KLHL1: variants seen among roughly 807,000 people sequenced by gnomAD.
KLHL1 encodes kelch like family member 1.
A neutral mutation model predicts 77.7 loss-of-function variants in KLHL1; 47 were observed. That is an observed-to-expected ratio of 0.60 (90% confidence interval 0.48 to 0.77). The LOEUF is 0.77. Ranked by LOEUF, KLHL1 falls within the 30% of genes least tolerant of loss-of-function variation. KLHL1 has a pLI of 0.00. For missense variants in KLHL1, 925 were observed against 910.8 expected (o/e 1.02, Z -0.20); for synonymous variants, 360 against 325.2 (o/e 1.11, Z -1.15).
chr13:70,041,210 ACT>A (rs1212950691), intron 1 of KLHL1, among the ~76,000 whole-genome samples: 1 of 152,080 alleles, frequency 6.6e-6, no homozygotes, highest in Non-Finnish European at 1.5e-5. Context: ...ATTTAAGATA[ACT>A]CTAACACTTG....
At chr13:69,740,638 C>A in intron 7 of KLHL1, 82 bp from the exon 8 acceptor site, 1 of 957,462 alleles carries the variant, frequency 1.0e-6, no homozygotes, top group Non-Finnish European at 1.5e-6. Flanking sequence ...GGGTAGATCT[C>A]ATGTTAAGTG....
In KLHL1 at chr13:70,107,366, T is replaced by C; in HGVS notation, c.334A>G (p.Thr112Ala). 6.2e-7 allele frequency: 1 copy of C among 1,613,940 alleles called. No homozygotes were observed. The change falls in exon 1 of 11, where the codon ACT becomes GCT. Residue 112 changes from threonine (T) to alanine (A), a missense_variant. Thr to Ala is a moderately conservative substitution (Grantham distance 58). Coordinates refer to ENST00000377844, the MANE Select transcript of KLHL1 (RefSeq NM_020866.3). ...AAGAGAGTCCTGGCTGGCTGCTGAG[T>C]GCCCTGCCCAGGAGCCCCTTGCTGC... The part of the protein sequence containing the change: ...RLQQGAPGQG[T>A]QQPARTLFYV...
At chr13:70,097,117 T>C (rs1323651515) in intron 1 of KLHL1, among the ~76,000 whole-genome samples, 6 of 152,048 alleles carry the variant, frequency 3.9e-5, no homozygotes. Context: ...GCATACATTA[T>C]GGGACTTTGA....
At chr13:69,885,165 C>T (rs1256314714) in intron 4 of KLHL1, among the ~76,000 whole-genome samples, 1 of 136,468 alleles carries the variant, frequency 7.3e-6, no homozygotes, top group African/African-American at 3.4e-5. Context: ...TGGTCTCGAT[C>T]TCCTGACCTC....
chr13:69,721,700 G>C (rs1457041221), intron 8 of KLHL1, among the ~76,000 whole-genome samples: 1 of 151,762 alleles, frequency 6.6e-6, no homozygotes, highest in Non-Finnish European at 1.5e-5. Flanking sequence ...TTAAATCCTG[G>C]GAATGTTTTT....
intron 4 of KLHL1, among the ~76,000 whole-genome samples, chr13:69,891,940 A>G (rs1267356589): frequency 1.3e-5 from 2 of 151,990 alleles, no homozygotes; most frequent in African/African-American, 4.8e-5. Flanking sequence ...AAACAATACT[A>G]CTTCTATTTT....
chr13:69,836,578 A>T (rs1481110530), intron 6 of KLHL1, among the ~76,000 whole-genome samples: 1 of 151,976 alleles, frequency 6.6e-6, no homozygotes, highest in African/African-American at 2.4e-5. Flanking sequence ...CAAATCATCC[A>T]ATTCTTGTTT....
chr13:70,081,504 TTGG>T (rs1257874275), intron 1 of KLHL1, among the ~76,000 whole-genome samples: 1 of 152,198 alleles, frequency 6.6e-6, no homozygotes, highest in East Asian at 1.9e-4. Context: ...CATTTTGCTG[TTGG>T]TTGTCAGCCA....
intron 1 of KLHL1, among the ~76,000 whole-genome samples, chr13:70,074,649 C>T (rs1887216437): frequency 1.3e-5 from 2 of 151,704 alleles, no homozygotes; most frequent in African/African-American, 4.8e-5. Flanking sequence ...CTTTAATATT[C>T]TGATGTAGTA....
intron 10 of KLHL1, among the ~76,000 whole-genome samples, chr13:69,704,130 C>T (rs1283283955): frequency 6.6e-6 from 1 of 151,502 alleles, no homozygotes; most frequent in African/African-American, 2.4e-5. Context: ...ACATTTATAC[C>T]TCTATCTCTA....
chr13:69,837,889 G>A (rs1316832431), intron 6 of KLHL1, among the ~76,000 whole-genome samples: 3 of 151,208 alleles, frequency 2.0e-5, no homozygotes, highest in African/African-American at 4.8e-5. Flanking sequence ...TTTTATGAGT[G>A]CCTATATTCA....
chr13:69,895,979 A>C (rs540599109), intron 4 of KLHL1, among the ~76,000 whole-genome samples: 1 of 152,140 alleles, frequency 6.6e-6, no homozygotes, highest in South Asian at 2.1e-4. Context: ...AAGTGCTGGG[A>C]TTACAGGCAT....
intron 7 of KLHL1, among the ~76,000 whole-genome samples, chr13:69,792,868 A>G (rs1876929698): frequency 6.6e-6 from 1 of 152,180 alleles, no homozygotes; most frequent in South Asian, 2.1e-4. Flanking sequence ...AATTGCTGCT[A>G]AGGAAAGACT....
intron 10 of KLHL1, 109 bp downstream of exon 10, chr13:69,707,516 T>A: frequency 2.2e-6 from 2 of 927,548 alleles, no homozygotes. Context: ...ACAATCATTT[T>A]TGGTTTAGGG....
intron 1 of KLHL1, among the ~76,000 whole-genome samples, chr13:70,091,584 C>A (rs967574542): frequency 6.6e-6 from 1 of 152,036 alleles, no homozygotes; most frequent in Non-Finnish European, 1.5e-5. Context: ...CTCAACAGTC[C>A]AACTAATTTA....
intron 6 of KLHL1, among the ~76,000 whole-genome samples, chr13:69,804,246 A>G (rs929624605): frequency 6.6e-6 from 1 of 152,202 alleles, no homozygotes; most frequent in Non-Finnish European, 1.5e-5. Flanking sequence ...GATGTTATCC[A>G]AAGTGCAGTT....
intron 10 of KLHL1, among the ~76,000 whole-genome samples, chr13:69,705,744 G>C (rs951981694): frequency 6.6e-6 from 1 of 151,546 alleles, no homozygotes. Flanking sequence ...TATTTTAAAT[G>C]CCACTTTGCT....
chr13:70,082,200 C>T (rs1341574266), intron 1 of KLHL1, among the ~76,000 whole-genome samples: 11 of 151,992 alleles, frequency 7.2e-5, no homozygotes, highest in Admixed American at 7.2e-4. Flanking sequence ...GCCAATTGAA[C>T]ATCTTTTCTT....
At chr13:69,921,921 A>ATTT (rs1197300551) in intron 4 of KLHL1, among the ~76,000 whole-genome samples, 15 of 122,636 alleles carry the variant, frequency 1.2e-4, no homozygotes, top group South Asian at 2.8e-4. Context: ...TGAATGATTG[A>ATTT]TTTTTTTTTT....
Sources: allele counts gnomAD v4.1 joint callset (sites outside exome capture counted in the v4.1 genomes callset), GRCh38; gene constraint gnomAD v4.1.1; transcripts MANE v1.5; gene names NCBI Gene and HGNC (gene_info 2026-07-23, HGNC 2026-07-21).